The following NRCAM variants were observed in gnomAD, a reference collection of about 807,000 sequenced individuals.
NRCAM encodes NgCAM-related cell adhesion molecule.
In NRCAM, 83 loss-of-function variants were observed where a neutral mutation model predicts 156.5. The observed-to-expected ratio is 0.53, with a 90% CI of 0.44 to 0.64. The LOEUF is 0.64. NRCAM is among the 30% of genes least tolerant of loss of function. NRCAM has a pLI of 0.00. For synonymous variants in NRCAM, 538 were observed against 563.9 expected (o/e 0.95, Z 0.65); for missense variants, 1,417 against 1,597.3 (o/e 0.89, Z 1.92).
chr7:108,372,852 T>A (rs1227852272), intron 2 of NRCAM, among the ~76,000 whole-genome samples: 1 of 152,118 alleles, frequency 6.6e-6, no homozygotes. Flanking sequence ...TTCTGGGTAT[T>A]TGCCCAGAAG....
intron 3 of NRCAM, among the ~76,000 whole-genome samples, chr7:108,299,874 C>T (rs2098553415): frequency 6.6e-6 from 1 of 152,188 alleles, no homozygotes; most frequent in Admixed American, 6.5e-5. Flanking sequence ...TGAAGCCCTG[C>T]TCTACGGTTT....
chr7:108,435,173 C>T (rs1367763238), intron 1 of NRCAM, among the ~76,000 whole-genome samples: 1 of 152,120 alleles, frequency 6.6e-6, no homozygotes, highest in Non-Finnish European at 1.5e-5. Context: ...AATCTGATGC[C>T]AATTTCTCAA....
intron 2 of NRCAM, among the ~76,000 whole-genome samples, chr7:108,321,716 CTGATT>C (rs2099003651): frequency 1.3e-5 from 2 of 152,218 alleles, no homozygotes; most frequent in South Asian, 4.1e-4. Flanking sequence ...AAAGTTTAAT[CTGATT>C]TGATTTAAGA....
chr7:108,350,989 G>A (rs1202328511), intron 2 of NRCAM, among the ~76,000 whole-genome samples: 1 of 152,174 alleles, frequency 6.6e-6, no homozygotes, highest in African/African-American at 2.4e-5. Flanking sequence ...GCCTAGCACA[G>A]AATAGTTGCT....
chr7:108,354,466 G>C (rs747502707), intron 2 of NRCAM, among the ~76,000 whole-genome samples: 19 of 152,168 alleles, frequency 1.2e-4, no homozygotes, highest in Non-Finnish European at 2.4e-4. Context: ...TAGAAATAAT[G>C]AAATTAAGAG....
chr7:108,173,480 A>T (rs2059310079), intron 28 of NRCAM, among the ~76,000 whole-genome samples: 1 of 152,186 alleles, frequency 6.6e-6, no homozygotes, highest in Non-Finnish European at 1.5e-5. Flanking sequence ...GGAAATAGTG[A>T]AGAGGATAGA....
chr7:108,374,289 CTT>C (rs2099652488), intron 2 of NRCAM, among the ~76,000 whole-genome samples: 1 of 152,134 alleles, frequency 6.6e-6, no homozygotes, highest in South Asian at 2.1e-4. Flanking sequence ...ATCATTAAGA[CTT>C]GATGAGGAAC....
At chr7:108,441,757 G>A (rs1452924686) in intron 1 of NRCAM, among the ~76,000 whole-genome samples, 6 of 152,166 alleles carry the variant, frequency 3.9e-5, no homozygotes, top group Non-Finnish European at 7.3e-5. Flanking sequence ...AACTTTGACC[G>A]TGGGCCAAAT....
intron 2 of NRCAM, among the ~76,000 whole-genome samples, chr7:108,344,802 T>C (rs560884158): frequency 3.2e-4 from 48 of 152,284 alleles, no homozygotes; most frequent in Non-Finnish European, 6.6e-4. Context: ...TCTTACTTCA[T>C]AGTTGAGAAA....
intron 2 of NRCAM, among the ~76,000 whole-genome samples, chr7:108,393,366 A>T (rs1210434633): frequency 1.3e-5 from 2 of 152,164 alleles, no homozygotes; most frequent in Admixed American, 1.3e-4. Flanking sequence ...CCTCCGAGCC[A>T]GGTGCCAGAT....
At chr7:108,358,505 A>T (rs10953566) in intron 2 of NRCAM, among the ~76,000 whole-genome samples, 91,204 of 151,318 alleles carry the variant, frequency 0.6, 28,193 homozygotes, top group East Asian at 0.92. Context: ...GATGTTGGTG[A>T]TAGGTTGGTA....
At chr7:108,425,725 G>A (rs575770017) in intron 1 of NRCAM, among the ~76,000 whole-genome samples, 1 of 152,262 alleles carries the variant, frequency 6.6e-6, no homozygotes, top group South Asian at 2.1e-4. Flanking sequence ...GACCTGTCTG[G>A]CTCTAGAGAT....
At chr7:108,281,399 G>A (rs973955646) in intron 3 of NRCAM, among the ~76,000 whole-genome samples, 1 of 152,004 alleles carries the variant, frequency 6.6e-6, no homozygotes, top group Admixed American at 6.6e-5. Context: ...GATAACAGGA[G>A]ACTGTGCCAT....
rs17155556 is a variant in NRCAM at position 108,360,481 on chromosome 7, T to C, written c.-174+38955A>G. Among the ~76,000 whole-genome samples the C allele has an allele frequency of 7.1e-3, 1,085 of 152,144 alleles. 16 individuals are homozygous for C. Among genetic ancestry groups the C allele is most frequent in the African/African-American group, 0.025 (1,051 of 41,496 alleles). On this transcript the variant is annotated intron_variant, in intron 2 of 32. Coordinates refer to ENST00000379028, the MANE Select transcript of NRCAM (RefSeq NM_001037132.4). ...AGAAATAGCAGACAGATTTCAAAGATTAAAATATTTCTAAGGCTAAAATTC... is the reference window on the plus strand; with the variant it reads ...AGAAATAGCAGACAGATTTCAAAGACTAAAATATTTCTAAGGCTAAAATTC...
intron 8 of NRCAM, 39 bp from the exon 9 acceptor site, chr7:108,226,417 T>C: frequency 1.3e-6 from 2 of 1,488,692 alleles, no homozygotes; most frequent in Non-Finnish European, 1.9e-6. Context: ...TATTCCATCA[T>C]AAAGTGGCTA....
intron 3 of NRCAM, among the ~76,000 whole-genome samples, chr7:108,264,101 G>A (rs1201280799): frequency 1.3e-5 from 2 of 151,884 alleles, no homozygotes; most frequent in African/African-American, 4.8e-5. Context: ...CCTCAGCTGC[G>A]CAAGTAGCTG....
chr7:108,348,314 A>G (rs1481864764), intron 2 of NRCAM, among the ~76,000 whole-genome samples: 1 of 152,206 alleles, frequency 6.6e-6, no homozygotes, highest in Admixed American at 6.5e-5. Context: ...AAAGACCCAG[A>G]GTAGGTAACA....
chr7:108,248,850 C>T (rs1411882382), intron 3 of NRCAM, among the ~76,000 whole-genome samples: 1 of 152,158 alleles, frequency 6.6e-6, no homozygotes, highest in Non-Finnish European at 1.5e-5. Flanking sequence ...CCACGGGGAG[C>T]ATGGCCTATT....
intron 1 of NRCAM, among the ~76,000 whole-genome samples, chr7:108,446,109 C>T (rs1380204825): frequency 2.0e-5 from 3 of 152,122 alleles, no homozygotes; most frequent in Admixed American, 6.6e-5. Flanking sequence ...AGGAAAGCCA[C>T]GTGCAAATCT....
Sources: allele counts gnomAD v4.1 joint callset (sites outside exome capture counted in the v4.1 genomes callset), GRCh38; gene constraint gnomAD v4.1.1; transcripts MANE v1.5; gene names NCBI Gene and HGNC (gene_info 2026-07-23, HGNC 2026-07-21).